The following SMARCD3 variants were observed in gnomAD, a reference collection of about 807,000 sequenced individuals.
SMARCD3 encodes SWI/SNF related BAF chromatin remodeling complex subunit D3.
SMARCD3 carries 14 observed loss-of-function variants against 58.0 expected under a neutral mutation model. The ratio of observed to expected loss-of-function variants is 0.24; its 90% CI spans 0.16 to 0.38. The LOEUF (loss-of-function observed/expected upper bound fraction) is 0.38. Ranked by LOEUF, SMARCD3 falls within the 10% of genes least tolerant of loss-of-function variation. The pLI is 1.00. For synonymous variants in SMARCD3, 253 were observed against 253.8 expected (o/e 1.00, Z 0.03); for missense variants, 408 against 636.9 (o/e 0.64, Z 3.87).
At chr7:151,265,094 C>T (rs774574025) in intron 2 of SMARCD3, among the ~76,000 whole-genome samples, 1 of 152,220 alleles carries the variant, frequency 6.6e-6, no homozygotes, top group Non-Finnish European at 1.5e-5. Flanking sequence ...CAGAGTCCCC[C>T]TGCTATGGGT....
At position 151,243,226 on chromosome 7, in the gene SMARCD3, G is replaced by A. The variant is rs541403699; in HGVS notation, c.334-383C>T. On this transcript the variant is annotated intron_variant, in intron 3 of 12. Coordinates refer to ENST00000262188, the MANE Select transcript of SMARCD3 (RefSeq NM_001003801.2). The surrounding 1 kb of genome is among the most constrained non-coding windows in gnomAD (Gnocchi z 4.4). ...TAGTAGGGGCTCAATCCCTGAGACA[G>A]TTGGACAGCGGTGCTTTCTTCTCTG... 6.6e-6 allele frequency among the ~76,000 whole-genome samples: 1 copy of A among 152,298 alleles called. No individual in the cohort carries two copies. The highest frequency in any genetic ancestry group is 1.9e-4 in the East Asian group (1 of 5,176).
intron 9 of SMARCD3, 67 bp from the exon 10 acceptor site, chr7:151,240,314 G>A (rs1802911702): frequency 6.2e-7 from 1 of 1,610,446 alleles, no homozygotes; most frequent in Non-Finnish European, 8.5e-7. Context: ...CCGGGGCTGG[G>A]GCAGATCCAA....
At chr7:151,260,160 G>A (rs11980970) in intron 2 of SMARCD3, among the ~76,000 whole-genome samples, 30,997 of 152,030 alleles carry the variant, frequency 0.2, 3,577 homozygotes, top group Non-Finnish European at 0.27. Context: ...AAGGTCCCTG[G>A]GTTTTCTCCT....
chr7:151,264,272 T>G (rs1804013262), intron 2 of SMARCD3, among the ~76,000 whole-genome samples: 1 of 152,094 alleles, frequency 6.6e-6, no homozygotes, highest in South Asian at 2.1e-4. Flanking sequence ...TTGGCCAGGC[T>G]GGTCTCAAAC....
chr7:151,253,778 C>T (rs1180966086), intron 2 of SMARCD3, among the ~76,000 whole-genome samples: 1 of 152,154 alleles, frequency 6.6e-6, no homozygotes, highest in Non-Finnish European at 1.5e-5. Context: ...ATGGTGTTTA[C>T]ATGGGATCCT....
Position 151,248,577 on chromosome 7 carries a change from C to A in SMARCD3, c.-15G>T, listed in dbSNP as rs752586145. ...TCCGCGGCCATCGGGGTGGGCTCAG[C>A]GGCTCCTCTCACTCTCTCTCTCTCT... is the stretch of plus-strand genomic sequence containing the variant. On this transcript the variant is annotated 5_prime_UTR_variant, in exon 1 of 13. Coordinates refer to ENST00000262188, the MANE Select transcript of SMARCD3 (RefSeq NM_001003801.2). This position sits in a 1 kb window ranked among gnomAD's most constrained non-coding sequence, Gnocchi z 6.1. 6.2e-7 allele frequency: 1 copy of A among 1,613,556 alleles called. No homozygotes were observed. The highest frequency in any genetic ancestry group is 1.1e-5 in the South Asian group (1 of 91,064).
chr7:151,251,491 A>C (rs1803508241), upstream of SMARCD3, among the ~76,000 whole-genome samples: 1 of 152,168 alleles, frequency 6.6e-6, no homozygotes, highest in Admixed American at 6.5e-5. Context: ...AGGAGCCTTC[A>C]GACCAGAAAG....
chr7:151,248,587 C>T lies in SMARCD3; in HGVS notation c.-25G>A. ...TCGGGGTGGGCTCAGCGGCTCCTCTCACTCTCTCTCTCTCTTCCTCTTTCT... is the reference window on the plus strand; with the variant it reads ...TCGGGGTGGGCTCAGCGGCTCCTCTTACTCTCTCTCTCTCTTCCTCTTTCT... On this transcript the variant is annotated 5_prime_UTR_variant, in exon 1 of 13. Coordinates refer to ENST00000262188, the MANE Select transcript of SMARCD3 (RefSeq NM_001003801.2). This position sits in a 1 kb window ranked among gnomAD's most constrained non-coding sequence, Gnocchi z 6.1. 1 of 1,613,104 alleles carries T rather than the reference C, an allele frequency of 6.2e-7. No individual in the cohort carries two copies. The highest frequency in any genetic ancestry group is 8.5e-7 in the Non-Finnish European group (1 of 1,179,332).
In SMARCD3 at chr7:151,246,824, G is replaced by C. The variant is rs1803288220; in HGVS notation, c.79-1153C>G. On this transcript the variant is annotated intron_variant, in intron 1 of 12. Transcript: ENST00000262188. This position sits in a 1 kb window ranked among gnomAD's most constrained non-coding sequence, Gnocchi z 4.4. Reference sequence around the variant, plus strand: ...AGTTTCAGGGGCTGTGAAACAGAAAGAGCGGGGTGGGATGGGGACTGGGAC... The same window carrying C: ...AGTTTCAGGGGCTGTGAAACAGAAACAGCGGGGTGGGATGGGGACTGGGAC... Among the ~76,000 whole-genome samples, 1 of 152,160 alleles carries C rather than the reference G, an allele frequency of 6.6e-6. No homozygotes were observed.
intron 2 of SMARCD3, among the ~76,000 whole-genome samples, chr7:151,270,613 CTTCAAGGATGAGTGCAGTT>C (rs1795146941): frequency 6.6e-6 from 1 of 152,092 alleles, no homozygotes; most frequent in African/African-American, 2.4e-5. Context: ...GACGTGGAGG[CTTCAAGGATGAGTGCAGTT>C]AGCCAGGTGA....
upstream of SMARCD3, chr7:151,248,698 GA>G: frequency 7.2e-7 from 1 of 1,386,026 alleles, no homozygotes; most frequent in Non-Finnish European, 9.4e-7. The surrounding 1 kb of genome is among the most constrained non-coding windows in gnomAD (Gnocchi z 6.1). Context: ...GCGGAGTGGG[GA>G]GGGGGCCCCT....
rs190004607 is a variant in SMARCD3, at chr7:151,256,724, T to C, written c.40-11053A>G. Among the ~76,000 whole-genome samples the C allele has an allele frequency of 9.2e-4, 139 of 151,828 alleles. 1 individual carries two copies. The highest frequency in any genetic ancestry group is 3.1e-3 in the African/African-American group (130 of 41,356). On this transcript the variant is annotated intron_variant, in intron 2 of 13. Transcript: ENST00000356800. ...CTTCTCCCTCCTCTGACTTCCAACC[T>C]CTCCTCCATCCTCCTCACTCCCAGC...
chr7:151,269,881 C>G (rs908632626), intron 2 of SMARCD3, among the ~76,000 whole-genome samples: 5 of 152,202 alleles, frequency 3.3e-5, no homozygotes, highest in Non-Finnish European at 5.9e-5. Context: ...ACTCAGAAAA[C>G]TGAGTACCCC....
At chr7:151,273,040 G>A (rs974430778) in intron 2 of SMARCD3, among the ~76,000 whole-genome samples, 3 of 152,190 alleles carry the variant, frequency 2.0e-5, no homozygotes, top group Non-Finnish European at 4.4e-5. Context: ...GAGGACGGAC[G>A]CCTAGGCACC....
upstream of SMARCD3, among the ~76,000 whole-genome samples, chr7:151,253,201 G>T (rs910344723): frequency 2.0e-5 from 3 of 152,176 alleles, no homozygotes; most frequent in Non-Finnish European, 4.4e-5. Flanking sequence ...AAGCAGACCC[G>T]CACCGAGTGA....
intron 2 of SMARCD3, among the ~76,000 whole-genome samples, chr7:151,266,717 G>T (rs773054007): frequency 5.9e-5 from 9 of 152,022 alleles, no homozygotes; most frequent in East Asian, 1.9e-4. Context: ...GGTTTTTTTT[G>T]TTTGTTTGTT....
upstream of SMARCD3, among the ~76,000 whole-genome samples, chr7:151,253,685 G>C (rs1387666052): frequency 6.6e-6 from 1 of 152,152 alleles, no homozygotes; most frequent in Non-Finnish European, 1.5e-5. Flanking sequence ...TGAGGTGGTC[G>C]CTTGTAGCAG....
chr7:151,242,625 C>G lies in SMARCD3; in HGVS notation c.457-22G>C. 1.2e-6 allele frequency: 2 copies of G among 1,612,432 alleles called. No homozygotes were observed. The highest frequency in any genetic ancestry group is 2.2e-5 in the South Asian group (2 of 91,070). On this transcript the variant is annotated intron_variant, in intron 4 of 12. Transcript: ENST00000262188. This position sits in a 1 kb window ranked among gnomAD's most constrained non-coding sequence, Gnocchi z 4.7. The stretch of plus-strand genomic sequence containing the variant: ...TTTGCTGTAGAAATAGAGTGCAGAA[C>G]CGGGCGAATGCTGTGTGCTCCCACC...
At position 151,245,465 on chromosome 7, in the gene SMARCD3, G is replaced by A. The variant is rs1009042210; in HGVS notation, c.285C>T (p.Ser95=). 19 of 1,214,980 alleles carry A rather than the reference G, an allele frequency of 1.6e-5. No individual in the cohort carries two copies. Among genetic ancestry groups the A allele is most frequent in the Non-Finnish European group, 1.8e-5 (18 of 974,312 alleles). The allele number at this position is 1,214,980 out of a possible 1,614,324, so 75.3% of individuals were successfully genotyped here. ...TCGCCGGGCCTCCCACTCACCTGCG[G>A]CTCCGCGCGGGGGCGGTGGGCACCG... ...GQPVPTAPAR[S]RSAKRRKMAD... is the part of the protein sequence containing the mutation. The change falls in exon 2 of 13, where the codon AGC becomes AGT. Residue 95 remains serine, a synonymous_variant. Coordinates refer to ENST00000262188, the MANE Select transcript of SMARCD3 (RefSeq NM_001003801.2). This position sits in a 1 kb window ranked among gnomAD's most constrained non-coding sequence, Gnocchi z 6.2.
Sources: allele counts gnomAD v4.1 joint callset (sites outside exome capture counted in the v4.1 genomes callset), GRCh38; gene constraint gnomAD v4.1.1; non-coding constraint Gnocchi (gnomAD v3.1); transcripts MANE v1.5; gene names NCBI Gene and HGNC (gene_info 2026-07-23, HGNC 2026-07-21).